KCTD8: variants seen among roughly 807,000 people sequenced by gnomAD.
KCTD8 encodes potassium channel tetramerization domain containing 8.
A neutral mutation model predicts 31.5 loss-of-function variants in KCTD8; 27 were observed. That is an observed-to-expected ratio of 0.86 (90% CI 0.63 to 1.18). KCTD8 has a LOEUF of 1.18. Ranked by LOEUF, KCTD8 falls within the 50% of genes most tolerant of loss-of-function variation. The pLI is 0.00. For synonymous variants in KCTD8, 290 were observed against 280.0 expected (o/e 1.04, Z -0.36); for missense variants, 658 against 647.7 (o/e 1.02, Z -0.17).
intron 1 of KCTD8, among the ~76,000 whole-genome samples, chr4:44,242,741 A>C (rs1348061545): frequency 6.6e-6 from 1 of 152,098 alleles, no homozygotes; most frequent in African/African-American, 2.4e-5. Flanking sequence ...TGAATGGTTT[A>C]GCACCCTCCC....
At chr4:44,362,334 A>G (rs776180745) in intron 1 of KCTD8, among the ~76,000 whole-genome samples, 3 of 152,188 alleles carry the variant, frequency 2.0e-5, no homozygotes, top group Non-Finnish European at 2.9e-5. Flanking sequence ...TTTTAATCAT[A>G]ACCTCAACTT....
At position 44,286,173 on chromosome 4, in the gene KCTD8, T is replaced by A. The variant is rs1299300720; in HGVS notation, c.962-110923A>T. Reference sequence around the variant, plus strand: ...TCCATATTCACTTTATTGGTAACTGTAGGGAGTTTCATGACTTTAAATACC... The same window carrying A: ...TCCATATTCACTTTATTGGTAACTGAAGGGAGTTTCATGACTTTAAATACC... On this transcript the variant is annotated intron_variant, in intron 1 of 1. Transcript: ENST00000360029. Among the ~76,000 whole-genome samples, 3 of 152,268 alleles carry A rather than the reference T, an allele frequency of 2.0e-5. No individual in the cohort carries two copies. The East Asian group carries it at 5.8e-4, about 29-fold the overall frequency.
intron 1 of KCTD8, among the ~76,000 whole-genome samples, chr4:44,368,119 G>A (rs544067212): frequency 5.8e-4 from 88 of 152,252 alleles, no homozygotes; most frequent in African/African-American, 2.0e-3. Flanking sequence ...GCTCATGCCT[G>A]TAATCTCAGC....
At chr4:44,389,829 AT>A (rs913412579) in intron 1 of KCTD8, among the ~76,000 whole-genome samples, 2 of 151,366 alleles carry the variant, frequency 1.3e-5, no homozygotes, top group African/African-American at 4.8e-5. Context: ...TTATACGTGG[AT>A]TTTTTTTCAA....
chr4:44,336,918 G>A lies in KCTD8; in HGVS notation c.961+110645C>T, dbSNP rs180903943. ...ACTGCCATATAACAAATCTCTAAAC[G>A]AGAGAAGTCTGTTTAGTTTAAGAAA... On this transcript the variant is annotated intron_variant, in intron 1 of 1. Transcript: ENST00000360029. Among the ~76,000 whole-genome samples the A allele has an allele frequency of 5.2e-3, 782 of 149,682 alleles. 9 individuals carry two copies. Among genetic ancestry groups the A allele is most frequent in the Non-Finnish European group, 7.0e-3 (478 of 67,908 alleles).
chr4:44,249,996 T>C (rs772292655), intron 1 of KCTD8, among the ~76,000 whole-genome samples: 13 of 151,802 alleles, frequency 8.6e-5, no homozygotes, highest in Non-Finnish European at 1.6e-4. Flanking sequence ...GTTTTAAAAT[T>C]ACACAAATGG....
chr4:44,295,157 A>C (rs1276525962), intron 1 of KCTD8, among the ~76,000 whole-genome samples: 1 of 152,090 alleles, frequency 6.6e-6, no homozygotes, highest in Admixed American at 6.6e-5. Context: ...TTAGCCAGAC[A>C]TGCTGGCACA....
intron 1 of KCTD8, among the ~76,000 whole-genome samples, chr4:44,236,858 C>T (rs1715304983): frequency 6.6e-6 from 1 of 152,084 alleles, no homozygotes; most frequent in Non-Finnish European, 1.5e-5. Flanking sequence ...CAGTTTCCCC[C>T]ATACTGTTCT....
chr4:44,176,370 C>G (rs900686723), intron 1 of KCTD8, among the ~76,000 whole-genome samples: 2 of 152,130 alleles, frequency 1.3e-5, no homozygotes, highest in Admixed American at 1.3e-4. Context: ...TACCTTGGAA[C>G]CAACCCCAGA....
chr4:44,430,000 TAGTC>T (rs1185170977), intron 1 of KCTD8, among the ~76,000 whole-genome samples: 4 of 151,228 alleles, frequency 2.6e-5, no homozygotes, highest in East Asian at 1.9e-4. Flanking sequence ...TTGAGACTGA[TAGTC>T]AGGAATGGGT....
intron 1 of KCTD8, among the ~76,000 whole-genome samples, chr4:44,292,928 C>T (rs954209394): frequency 6.6e-6 from 1 of 152,062 alleles, no homozygotes; most frequent in African/African-American, 2.4e-5. Context: ...TACATAGAGA[C>T]TGTAGGACAT....
chr4:44,302,954 T>A (rs1411929681), intron 1 of KCTD8, among the ~76,000 whole-genome samples: 1 of 152,182 alleles, frequency 6.6e-6, no homozygotes, highest in Non-Finnish European at 1.5e-5. Flanking sequence ...GTCAAAGGCC[T>A]TTTCTGCATC....
At chr4:44,417,524 A>G (rs1394446688) in intron 1 of KCTD8, among the ~76,000 whole-genome samples, 2 of 30,038 alleles carry the variant, frequency 6.7e-5, no homozygotes, top group African/African-American at 1.0e-4. Flanking sequence ...TAGATTATAC[A>G]ACTATTTAAA....
intron 1 of KCTD8, among the ~76,000 whole-genome samples, chr4:44,198,571 G>A (rs965962340): frequency 7.2e-5 from 11 of 152,076 alleles, no homozygotes; most frequent in Non-Finnish European, 1.6e-4. Context: ...CTTCATAAGA[G>A]AAGGAGAAAT....
At chr4:44,321,515 G>A (rs1718295217) in intron 1 of KCTD8, among the ~76,000 whole-genome samples, 1 of 152,094 alleles carries the variant, frequency 6.6e-6, no homozygotes, top group South Asian at 2.1e-4. Flanking sequence ...TGGGGTATAT[G>A]TGATACTTTG....
intron 1 of KCTD8, among the ~76,000 whole-genome samples, chr4:44,291,627 C>A (rs914410921): frequency 6.6e-6 from 1 of 151,870 alleles, no homozygotes; most frequent in Non-Finnish European, 1.5e-5. Flanking sequence ...ACAAGTAATA[C>A]CTAATTAAAT....
chr4:44,317,171 A>G (rs1718153922), intron 1 of KCTD8, among the ~76,000 whole-genome samples: 1 of 149,882 alleles, frequency 6.7e-6, no homozygotes, highest in Non-Finnish European at 1.5e-5. Context: ...ATATCTAACA[A>G]AGTTTTAATG....
chr4:44,204,527 G>A (rs943359084), intron 1 of KCTD8, among the ~76,000 whole-genome samples: 1 of 151,948 alleles, frequency 6.6e-6, no homozygotes, highest in Non-Finnish European at 1.5e-5. Context: ...AATCCATCAC[G>A]ACCCTCTCAC....
At position 44,318,510 on chromosome 4, in the gene KCTD8, G is replaced by C. The variant is rs532495792; in HGVS notation, c.961+129053C>G. The stretch of plus-strand genomic sequence containing the variant: ...ACTTAAAAAAAATGTTTTACTAGGA[G>C]GAATAATCAATATTGCTAAATACTG... On this transcript the variant is annotated intron_variant, in intron 1 of 1. Transcript: ENST00000360029. 5.9e-5 allele frequency among the ~76,000 whole-genome samples: 9 copies of C among 152,212 alleles called. No individual in the cohort carries two copies. The South Asian group carries it at 1.5e-3, about 25-fold the overall frequency.
Sources: allele counts gnomAD v4.1 joint callset (sites outside exome capture counted in the v4.1 genomes callset), GRCh38; gene constraint gnomAD v4.1.1; transcripts MANE v1.5; gene names NCBI Gene and HGNC (gene_info 2026-07-23, HGNC 2026-07-21).